The following WNK2 variants were observed in gnomAD, a reference collection of about 807,000 sequenced individuals.
WNK2 encodes WNK lysine deficient protein kinase 2.
WNK2 carries 67 observed loss-of-function variants against 192.1 expected under a neutral mutation model. That is an observed-to-expected ratio of 0.35 (90% confidence interval 0.29 to 0.43). The LOEUF (loss-of-function observed/expected upper bound fraction) is 0.43, where lower values mean the gene tolerates loss of function less well. WNK2 is among the 20% of genes least tolerant of loss of function. The pLI, the probability that WNK2 is intolerant of heterozygous loss-of-function variation, is 1.00. For synonymous variants in WNK2, 1,439 were observed against 1,393.9 expected (o/e 1.03, Z -0.72); for missense variants, 2,698 against 3,089.7 (o/e 0.87, Z 3.01).
At chr9:93,291,642 G>A (rs956434999) in intron 21 of WNK2, among the ~76,000 whole-genome samples, 1 of 152,136 alleles carries the variant, frequency 6.6e-6, no homozygotes. Flanking sequence ...GTACATGTGC[G>A]GGCGGCCCCA....
At chr9:93,195,572 G>A (rs372873148) in intron 2 of WNK2, among the ~76,000 whole-genome samples, 4 of 151,724 alleles carry the variant, frequency 2.6e-5, no homozygotes, top group African/African-American at 9.7e-5. Flanking sequence ...GGTGGCGGGC[G>A]CCTATAATCC....
rs562380750 is a variant in WNK2 at position 93,216,691 on chromosome 9, G to T, written c.682-13005G>T. ...CACCTGTGGTATCAGCTGCTCGGGA[G>T]GCTGAGGCAGGAAAATCGCTTGAAC... On this transcript the variant is annotated intron_variant, in intron 2 of 29. Transcript: ENST00000427277. Among the ~76,000 whole-genome samples, 9 of 152,054 alleles carry T rather than the reference G, an allele frequency of 5.9e-5. No homozygotes were observed. In the South Asian group the frequency reaches 1.2e-3, roughly 21 times the overall value.
chr9:93,284,450 C>T (rs920439910), intron 19 of WNK2, among the ~76,000 whole-genome samples: 21 of 152,166 alleles, frequency 1.4e-4, no homozygotes, highest in Admixed American at 7.2e-4. Flanking sequence ...ATGGGAAATT[C>T]TGTTTTTACA....
At chr9:93,306,945 CT>C in intron 27 of WNK2, 124 bp downstream of exon 27, 5 of 1,193,714 alleles carry the variant, frequency 4.2e-6, no homozygotes, top group Non-Finnish European at 5.0e-6. Context: ...CCCGCGCCTG[CT>C]CCATGCCTCT....
chr9:93,198,718 C>T (rs1831755251), intron 2 of WNK2, among the ~76,000 whole-genome samples: 1 of 152,196 alleles, frequency 6.6e-6, no homozygotes, highest in African/African-American at 2.4e-5. Flanking sequence ...GGCATTTTTG[C>T]TAAGTCATGA....
chr9:93,188,215 G>C (rs1180867471), intron 2 of WNK2, among the ~76,000 whole-genome samples: 1 of 152,194 alleles, frequency 6.6e-6, no homozygotes, highest in Non-Finnish European at 1.5e-5. Context: ...CCTGGGCTGT[G>C]TTCCCCTTTC....
intron 7 of WNK2, among the ~76,000 whole-genome samples, chr9:93,245,579 C>T (rs1841546317): frequency 6.6e-6 from 1 of 152,272 alleles, no homozygotes; most frequent in Admixed American, 6.5e-5. Flanking sequence ...GCGCCTGTGG[C>T]TTCTCTAAGT....
rs1244824671 is a variant in WNK2, at chr9:93,230,928, C to T, written c.895C>T (p.Arg299Cys). 6 of 1,613,738 alleles carry T rather than the reference C, an allele frequency of 3.7e-6. No homozygotes were observed. Among genetic ancestry groups the T allele is most frequent in the Admixed American group, 1.7e-5 (1 of 60,012 alleles). Residue 299 changes from arginine (R) to cysteine (C), a missense_variant, in exon 4 of 30, where the codon CGC becomes TGC. By Grantham distance (180) the Arg-to-Cys change is radical. Around this residue, in one of 7 missense-constraint regions of WNK2, gnomAD observed 230 missense variants for 501.1 expected, o/e 0.46. Coordinates refer to ENST00000427277, the MANE Select transcript of WNK2 (RefSeq NM_006648.4). Reference protein sequence around the residue: ...RFKVMKPKVLRSWCRQILKGL... With the variant: ...RFKVMKPKVLCSWCRQILKGL... Reference sequence around the variant, plus strand: ...CAAGGTGATGAAGCCCAAGGTTCTCCGCAGCTGGTGCCGGCAGATCCTGAA... The same window carrying T: ...CAAGGTGATGAAGCCCAAGGTTCTCTGCAGCTGGTGCCGGCAGATCCTGAA...
At chr9:93,265,896 ATGGGGCTATCTTTAGC>A (rs1845088375) in intron 16 of WNK2, among the ~76,000 whole-genome samples, 1 of 152,156 alleles carries the variant, frequency 6.6e-6, no homozygotes, top group South Asian at 2.1e-4. Context: ...ACAGTAAGCA[ATGGGGCTATCTTTAGC>A]TGTGTGCTTT....
intron 28 of WNK2, chr9:93,316,942 G>A (rs1291748728): frequency 1.9e-5 from 3 of 160,714 alleles, no homozygotes; most frequent in Admixed American, 1.7e-4. Context: ...CCATGCACCT[G>A]TGAAGAGTGC....
At chr9:93,228,535 A>G (rs1438654243) in intron 2 of WNK2, among the ~76,000 whole-genome samples, 1 of 152,082 alleles carries the variant, frequency 6.6e-6, no homozygotes, top group African/African-American at 2.4e-5. Context: ...TGACATTCCC[A>G]TGGGAATTGG....
chr9:93,285,223 G>T (rs940646747), intron 19 of WNK2, among the ~76,000 whole-genome samples: 5 of 152,036 alleles, frequency 3.3e-5, no homozygotes, highest in African/African-American at 7.2e-5. Flanking sequence ...TGGCCTTTTG[G>T]TAACACTATA....
At chr9:93,213,224 G>A (rs1040690017) in intron 2 of WNK2, among the ~76,000 whole-genome samples, 1 of 152,212 alleles carries the variant, frequency 6.6e-6, no homozygotes, top group Non-Finnish European at 1.5e-5. Flanking sequence ...CTCTGAAGCT[G>A]GACAGTTGAG....
chr9:93,262,853 A>G (rs990352577), intron 14 of WNK2, 134 bp downstream of exon 14: 4 of 964,852 alleles, frequency 4.1e-6, no homozygotes, highest in Admixed American at 2.1e-5. Context: ...GGGTTTTTCA[A>G]ACCTGACCTG....
chr9:93,232,229 G>A (rs1309368381), intron 4 of WNK2, among the ~76,000 whole-genome samples: 1 of 152,200 alleles, frequency 6.6e-6, no homozygotes, highest in Non-Finnish European at 1.5e-5. Flanking sequence ...CTTTGGTTTG[G>A]GAAGTCTGTT....
chr9:93,234,512 C>T (rs1839479374), intron 4 of WNK2, among the ~76,000 whole-genome samples: 1 of 152,232 alleles, frequency 6.6e-6, no homozygotes, highest in Non-Finnish European at 1.5e-5. Flanking sequence ...AGGCTCGGAC[C>T]CCGTCCCCTG....
At chr9:93,233,982 A>G (rs1183236666) in intron 4 of WNK2, among the ~76,000 whole-genome samples, 2 of 152,172 alleles carry the variant, frequency 1.3e-5, no homozygotes, top group African/African-American at 4.8e-5. Context: ...TATTATAGAG[A>G]ATAGAGAAAC....
intron 2 of WNK2, among the ~76,000 whole-genome samples, chr9:93,205,085 CGTCTGTGGGAG>C (rs1466370950): frequency 1.3e-5 from 2 of 152,202 alleles, no homozygotes; most frequent in Non-Finnish European, 2.9e-5. Flanking sequence ...GCTGTGTTAA[CGTCTGTGGGAG>C]GTCCTGCTTT....
intron 2 of WNK2, among the ~76,000 whole-genome samples, chr9:93,208,595 A>G (rs938943300): frequency 2.1e-5 from 1 of 47,454 alleles, no homozygotes; most frequent in African/African-American, 1.0e-4. Flanking sequence ...TTCTTCATGT[A>G]TTCGTGTCCT....
Sources: allele counts gnomAD v4.1 joint callset (sites outside exome capture counted in the v4.1 genomes callset), GRCh38; gene constraint gnomAD v4.1.1; regional missense constraint gnomAD v4.1.1; transcripts MANE v1.5; gene names NCBI Gene and HGNC (gene_info 2026-07-23, HGNC 2026-07-21).